GHR: variants seen among roughly 807,000 people sequenced by gnomAD.
GHR encodes GH receptor.
Under a neutral mutation model 67.1 loss-of-function variants are expected in GHR, and 35 were observed. The observed-to-expected ratio is 0.52, with a 90% CI of 0.40 to 0.69. The LOEUF (loss-of-function observed/expected upper bound fraction) is 0.69, where lower values mean the gene tolerates loss of function less well. Ranked by LOEUF, GHR falls within the 30% of genes least tolerant of loss-of-function variation. GHR has a pLI of 0.00. For synonymous variants in GHR, 272 were observed against 269.1 expected, an observed-to-expected ratio of 1.01 and a Z score of -0.10; for missense variants, 792 against 764.6, an observed-to-expected ratio of 1.04 and a Z score of -0.42.
chr5:42,467,414 G>A (rs1433994317), intron 1 of GHR: 1 of 927,554 alleles, frequency 1.1e-6, no homozygotes, highest in Non-Finnish European at 1.8e-6. Flanking sequence ...ATCCTCTGGT[G>A]GACAATATGG....
intron 2 of GHR, among the ~76,000 whole-genome samples, chr5:42,625,150 G>A (rs1265073301): frequency 2.0e-5 from 3 of 152,028 alleles, no homozygotes; most frequent in Non-Finnish European, 4.4e-5. Context: ...ATTGAAAAGC[G>A]GCTCAGGGGC....
At chr5:42,569,209 A>G (rs965251866) in intron 2 of GHR, among the ~76,000 whole-genome samples, 5 of 152,232 alleles carry the variant, frequency 3.3e-5, no homozygotes, top group African/African-American at 1.2e-4. Flanking sequence ...ACAGATGTAG[A>G]TATGAGATGT....
At chr5:42,514,336 A>G in intron 1 of GHR, 1 of 790,008 alleles carries the variant, frequency 1.3e-6, no homozygotes, top group Non-Finnish European at 1.5e-6. Flanking sequence ...CCTTGTTGAG[A>G]TCTCCAGCCT....
chr5:42,515,570 A>G (rs201434229), intron 1 of GHR, among the ~76,000 whole-genome samples: 1 of 152,250 alleles, frequency 6.6e-6, no homozygotes, highest in African/African-American at 2.4e-5. Flanking sequence ...TCATGCATTT[A>G]GTGGTAATTC....
intron 1 of GHR, among the ~76,000 whole-genome samples, chr5:42,539,832 A>G (rs1748421899): frequency 6.6e-6 from 1 of 152,194 alleles, no homozygotes; most frequent in Non-Finnish European, 1.5e-5. Flanking sequence ...TGTAAATATT[A>G]TATGTTTATA....
At chr5:42,713,399 C>T in intron 7 of GHR, 30 bp from the exon 8 acceptor site, 1 of 977,678 alleles carries the variant, frequency 1.0e-6, no homozygotes, top group Non-Finnish European at 1.7e-6. Context: ...ATTCGTAATT[C>T]TGAAAGCGAA....
At chr5:42,650,290 A>G (rs1448477597) in intron 3 of GHR, among the ~76,000 whole-genome samples, 2 of 152,136 alleles carry the variant, frequency 1.3e-5, no homozygotes, top group East Asian at 3.9e-4. Flanking sequence ...TATATTCACT[A>G]TCCCAGTCAT....
intron 1 of GHR, among the ~76,000 whole-genome samples, chr5:42,532,052 C>G (rs1208279405): frequency 6.6e-6 from 1 of 152,002 alleles, no homozygotes; most frequent in East Asian, 1.9e-4. Context: ...AAGATCCAGC[C>G]TGACAATATC....
At chr5:42,563,227 G>A (rs1289950737) in intron 1 of GHR, among the ~76,000 whole-genome samples, 4 of 152,200 alleles carry the variant, frequency 2.6e-5, no homozygotes, top group Admixed American at 6.5e-5. Context: ...GGAATAGCAG[G>A]TGCTACTGGA....
intron 3 of GHR, among the ~76,000 whole-genome samples, chr5:42,638,516 T>C (rs1261140040): frequency 1.3e-5 from 2 of 152,200 alleles, no homozygotes; most frequent in Admixed American, 1.3e-4. Context: ...TATAGTCTAT[T>C]GTTCCTAGGC....
chr5:42,631,652 CATGAAAAGTTAGTGTTTAAT>C (rs1580090168), intron 3 of GHR, among the ~76,000 whole-genome samples: 2 of 152,142 alleles, frequency 1.3e-5, no homozygotes, highest in Non-Finnish European at 2.9e-5. Flanking sequence ...GATAATTTCA[CATGAAAAGTTAGTGTTTAAT>C]ATGAAAAGTT....
At chr5:42,509,731 T>C (rs530547356) in intron 1 of GHR, among the ~76,000 whole-genome samples, 1 of 151,862 alleles carries the variant, frequency 6.6e-6, no homozygotes, top group East Asian at 1.9e-4. Context: ...TCAAACCTTT[T>C]TTTTTTTTTT....
intron 2 of GHR, 30 bp downstream of exon 2, chr5:42,565,974 A>G (rs1218116885): frequency 6.2e-7 from 1 of 1,613,206 alleles, no homozygotes; most frequent in Non-Finnish European, 8.5e-7. Flanking sequence ...TTCCACCCTC[A>G]GTGTTTTGAA....
rs1744756567 is a variant in GHR, at chr5:42,466,915, CG to C, written c.-12+42961del. On this transcript the variant is annotated intron_variant, in intron 1 of 9. Coordinates refer to ENST00000230882, the MANE Select transcript of GHR (RefSeq NM_000163.5). ...TTCAACAAGATGGGTTCTGTGGTGT[CG>C]CATGAGGTGTGAGTTGGAAATGAAA... is the stretch of plus-strand genomic sequence containing the variant. The C allele has an allele frequency of 1.5e-5, 23 of 1,514,554 alleles. No homozygotes were observed. The East Asian group carries it at 5.0e-4, about 33-fold the overall frequency. The allele number at this position is 1,514,554 out of a possible 1,614,324, so 93.8% of individuals were successfully genotyped here.
chr5:42,465,288 T>G (rs1278962699), intron 1 of GHR: 1 of 651,088 alleles, frequency 1.5e-6, no homozygotes, highest in Non-Finnish European at 2.7e-6. Flanking sequence ...CTGAATGTGA[T>G]GATCTTGAAG....
At chr5:42,642,165 G>A (rs892880998) in intron 3 of GHR, among the ~76,000 whole-genome samples, 2 of 152,132 alleles carry the variant, frequency 1.3e-5, no homozygotes, top group African/African-American at 4.8e-5. Flanking sequence ...AGGGCAAGAA[G>A]TCATAGAAGA....
At chr5:42,544,690 AG>A (rs1748660132) in intron 1 of GHR, among the ~76,000 whole-genome samples, 1 of 152,186 alleles carries the variant, frequency 6.6e-6, no homozygotes, top group African/African-American at 2.4e-5. Context: ...AGGTATACAA[AG>A]TAACCCAACA....
chr5:42,622,157 GC>G (rs1753479771), intron 2 of GHR, among the ~76,000 whole-genome samples: 2 of 152,196 alleles, frequency 1.3e-5, no homozygotes, highest in South Asian at 4.1e-4. Context: ...AAAGGAGGGG[GC>G]CTGGCTGCTA....
chr5:42,586,316 G>T (rs1437703443), intron 2 of GHR, among the ~76,000 whole-genome samples: 1 of 152,184 alleles, frequency 6.6e-6, no homozygotes, highest in Non-Finnish European at 1.5e-5. Context: ...GCATACTTCA[G>T]GGGGTGCCAA....
Sources: allele counts gnomAD v4.1 joint callset (sites outside exome capture counted in the v4.1 genomes callset), GRCh38; gene constraint gnomAD v4.1.1; transcripts MANE v1.5; gene names NCBI Gene and HGNC (gene_info 2026-07-23, HGNC 2026-07-21).